HTRA3: variants seen among roughly 807,000 people sequenced by gnomAD.
HTRA3 encodes the protein serine protease HTRA3.
HTRA3 carries 41 observed loss-of-function variants against 43.2 expected under a neutral mutation model. That is an observed-to-expected ratio of 0.95 (90% CI 0.74 to 1.23). The LOEUF (loss-of-function observed/expected upper bound fraction) is 1.23, where lower values mean the gene tolerates loss of function less well. Ranked by LOEUF, HTRA3 falls within the 50% of genes most tolerant of loss-of-function variation. The pLI is 0.00. For missense variants in HTRA3, 628 were observed against 647.1 expected (o/e 0.97, Z 0.32); for synonymous variants, 295 against 287.9 (o/e 1.02, Z -0.25).
At chr4:8,287,170 G>C (rs1031067461) in intron 3 of HTRA3, among the ~76,000 whole-genome samples, 1 of 152,190 alleles carries the variant, frequency 6.6e-6, no homozygotes, top group Non-Finnish European at 1.5e-5. Flanking sequence ...GCTGCCGTGG[G>C]GAACACTTGG....
rs1203495399 is a variant in HTRA3, at chr4:8,275,115, C to G, written c.385+4762C>G. On this transcript the variant is annotated intron_variant, in intron 1 of 8. Coordinates refer to ENST00000307358, the MANE Select transcript of HTRA3 (RefSeq NM_053044.5). ...GGACTTGGAACTGCCGGCAGAGCTGCTTGGCCAAGAGCTTTCGCCAAGGCT... is the reference window on the plus strand; with the variant it reads ...GGACTTGGAACTGCCGGCAGAGCTGGTTGGCCAAGAGCTTTCGCCAAGGCT... 3.3e-5 allele frequency among the ~76,000 whole-genome samples: 5 copies of G among 152,330 alleles called. No individual in the cohort carries two copies. The East Asian group carries it at 9.7e-4, about 29-fold the overall frequency.
chr4:8,276,848 G>T (rs1449302868), intron 1 of HTRA3, among the ~76,000 whole-genome samples: 1 of 152,258 alleles, frequency 6.6e-6, no homozygotes, highest in Admixed American at 6.5e-5. Context: ...GGCTTGCGGG[G>T]CCTGGCTGTG....
chr4:8,278,903 C>T (rs991561172), intron 1 of HTRA3, among the ~76,000 whole-genome samples: 1 of 152,220 alleles, frequency 6.6e-6, no homozygotes, highest in Admixed American at 6.5e-5. Flanking sequence ...TCAGGGTGCT[C>T]TTTGCAGACC....
At chr4:8,277,650 G>A (rs532269986) in intron 1 of HTRA3, among the ~76,000 whole-genome samples, 3 of 152,338 alleles carry the variant, frequency 2.0e-5, no homozygotes, top group African/African-American at 7.2e-5. Context: ...GCCTGCACGC[G>A]CAGGAAGCAG....
chr4:8,302,891 C>A (rs1242159226), intron 7 of HTRA3, among the ~76,000 whole-genome samples: 5 of 152,260 alleles, frequency 3.3e-5, no homozygotes, highest in African/African-American at 1.2e-4. Flanking sequence ...CCCCTTCCAG[C>A]TTCTGCTGGC....
intron 2 of HTRA3, 140 bp downstream of exon 2, chr4:8,282,676 A>T (rs1712802353): frequency 1.2e-5 from 8 of 667,604 alleles, no homozygotes; most frequent in South Asian, 1.2e-4. Flanking sequence ...GACCTCAGTC[A>T]CATCTGCTGG....
intron 7 of HTRA3, among the ~76,000 whole-genome samples, chr4:8,303,809 G>GTGACTAAGCATTGTCTGTACGTTCCA (rs1560144315): frequency 7.0e-6 from 1 of 143,786 alleles, no homozygotes; most frequent in East Asian, 2.5e-4. Context: ...TGTACGTTCC[G>GTGACTAAGCATTGTCTGTACGTTCCA]TGACTCAGCA....
At chr4:8,283,893 A>G (rs935814557) in intron 2 of HTRA3, among the ~76,000 whole-genome samples, 24 of 152,038 alleles carry the variant, frequency 1.6e-4, no homozygotes, top group Non-Finnish European at 2.6e-4. Flanking sequence ...CTGCTCCAGC[A>G]CCGCCTCCCT....
At position 8,295,351 on chromosome 4, in the gene HTRA3, C is replaced by A. The variant is rs1713417723; in HGVS notation, c.1051+1150C>A. Among the ~76,000 whole-genome samples, 1 of 151,864 alleles carries A rather than the reference C, an allele frequency of 6.6e-6. No individual in the cohort carries two copies. Among genetic ancestry groups the A allele is most frequent in the Admixed American group, 6.6e-5 (1 of 15,242 alleles). On this transcript the variant is annotated intron_variant, in intron 6 of 8. Transcript: ENST00000307358. The surrounding 1 kb of genome is among the most constrained non-coding windows in gnomAD (Gnocchi z 6.9). The stretch of plus-strand genomic sequence containing the variant: ...TCCTCCAAGCCCCCATTTCCTTGCC[C>A]CCATTTCCTCACCCCATCAAAAAGG...
chr4:8,271,517 C>T (rs899487359), intron 1 of HTRA3, among the ~76,000 whole-genome samples: 3 of 152,170 alleles, frequency 2.0e-5, no homozygotes, highest in African/African-American at 7.2e-5. Flanking sequence ...GTGGAAGAGC[C>T]ACCGCAGGGT....
intron 4 of HTRA3, 85 bp from the exon 5 acceptor site, chr4:8,292,236 C>T (rs1713275469): frequency 2.5e-5 from 29 of 1,182,996 alleles, no homozygotes; most frequent in South Asian, 1.5e-4. Context: ...TGTCTCTGCA[C>T]TGGTTAGAGG....
rs901395183 is a variant in HTRA3, at chr4:8,296,822, A to G, written c.1051+2621A>G. Among the ~76,000 whole-genome samples, 1 of 152,180 alleles carries G rather than the reference A, an allele frequency of 6.6e-6. No individual in the cohort carries two copies. Among genetic ancestry groups the G allele is most frequent in the Non-Finnish European group, 1.5e-5 (1 of 68,030 alleles). On this transcript the variant is annotated intron_variant, in intron 6 of 8. Transcript: ENST00000307358. The surrounding 1 kb of genome is among the most constrained non-coding windows in gnomAD (Gnocchi z 5.3). The stretch of plus-strand genomic sequence containing the variant: ...CCCCTCGTTTATCCTGTGGCCCACA[A>G]GCCAAGGGAGAGCTGTAGGGAGGGG...
intron 1 of HTRA3, among the ~76,000 whole-genome samples, chr4:8,278,600 T>C (rs1712621961): frequency 6.6e-6 from 1 of 152,080 alleles, no homozygotes; most frequent in Non-Finnish European, 1.5e-5. Context: ...GGCTGATTCA[T>C]CTGCGTGTTG....
intron 7 of HTRA3, 118 bp from the exon 8 acceptor site, chr4:8,304,066 T>G: frequency 1.4e-6 from 1 of 711,594 alleles, no homozygotes. Flanking sequence ...CAGGGCAGTA[T>G]GGGGGCCCAG....
chr4:8,297,341 A>G lies in HTRA3; in HGVS notation c.1051+3140A>G, dbSNP rs1713491096. Reference sequence around the variant, plus strand: ...CTTTCCCCAGCTCTGGCCCAGGGGCATTACCAGGCCTCTGCTTTCCCGCCC... The same window carrying G: ...CTTTCCCCAGCTCTGGCCCAGGGGCGTTACCAGGCCTCTGCTTTCCCGCCC... On this transcript the variant is annotated intron_variant, in intron 6 of 8. Transcript: ENST00000307358. This position sits in a 1 kb window ranked among gnomAD's most constrained non-coding sequence, Gnocchi z 5.8. 6.6e-6 allele frequency among the ~76,000 whole-genome samples: 1 copy of G among 152,004 alleles called. No individual in the cohort carries two copies. Among genetic ancestry groups the G allele is most frequent in the Non-Finnish European group, 1.5e-5 (1 of 67,996 alleles).
chr4:8,304,791 G>C (rs1713780360), intron 8 of HTRA3, among the ~76,000 whole-genome samples: 1 of 151,484 alleles, frequency 6.6e-6, no homozygotes, highest in East Asian at 2.0e-4. Context: ...GAGTAGCTCA[G>C]ATTACAAGTG....
At chr4:8,278,935 G>A (rs189374871) in intron 1 of HTRA3, among the ~76,000 whole-genome samples, 1 of 152,316 alleles carries the variant, frequency 6.6e-6, no homozygotes, top group East Asian at 1.9e-4. Context: ...GGCTCAGAGA[G>A]CATCAAGAAG....
chr4:8,271,371 A>G (rs914078389), intron 1 of HTRA3, among the ~76,000 whole-genome samples: 2 of 152,174 alleles, frequency 1.3e-5, no homozygotes, highest in African/African-American at 4.8e-5. Context: ...TCCTCAATTG[A>G]TGAAACCCAG....
rs112190040 is a variant in HTRA3, at chr4:8,294,222, G to A, written c.1051+21G>A. 3,034 of 1,555,006 alleles carry A rather than the reference G, an allele frequency of 2.0e-3. 52 individuals are homozygous for A. In the African/African-American group the frequency reaches 0.035, roughly 18 times the overall value. On this transcript the variant is annotated intron_variant, in intron 6 of 8. Coordinates refer to ENST00000307358, the MANE Select transcript of HTRA3 (RefSeq NM_053044.5). ...CAAAGGTAAAGAGCTCACCTGGAGG[G>A]GGCCAGAGGCAGGGGGCACTCTCCC... is the stretch of plus-strand genomic sequence containing the variant.
Sources: allele counts gnomAD v4.1 joint callset (sites outside exome capture counted in the v4.1 genomes callset), GRCh38; gene constraint gnomAD v4.1.1; non-coding constraint Gnocchi (gnomAD v3.1); transcripts MANE v1.5; gene names NCBI Gene and HGNC (gene_info 2026-07-23, HGNC 2026-07-21).